Variants in BMPR1B observed in about 807,000 individuals in gnomAD.
BMPR1B encodes bone morphogenetic protein receptor type-1B.
A neutral mutation model predicts 59.1 loss-of-function variants in BMPR1B; 12 were observed. The observed-to-expected ratio is 0.20, with a 90% confidence interval of 0.13 to 0.33. The LOEUF is 0.33. Among genes scored for constraint, BMPR1B ranks in the 10% least tolerant of loss-of-function variants. The pLI is 1.00. For missense variants in BMPR1B, 550 were observed against 610.9 expected, an observed-to-expected ratio of 0.90 and a Z score of 1.05; for synonymous variants, 237 against 207.3, an observed-to-expected ratio of 1.14 and a Z score of -1.23.
At chr4:95,104,331 TC>T (rs1246754189) in intron 3 of BMPR1B, 76 bp from the exon 4 acceptor site, 2 of 1,464,954 alleles carry the variant, frequency 1.4e-6, no homozygotes, top group African/African-American at 2.8e-5. Context: ...TAAAATGTAA[TC>T]TCATGTTTTC....
chr4:94,928,276 C>T (rs1342450111), intron 2 of BMPR1B, among the ~76,000 whole-genome samples: 1 of 151,468 alleles, frequency 6.6e-6, no homozygotes, highest in African/African-American at 2.4e-5. Flanking sequence ...GATACTCCTG[C>T]TTCCACGTCC....
At chr4:95,152,609 A>G (rs1210194565) in intron 11 of BMPR1B, 34 bp from the exon 12 acceptor site, 3 of 1,462,108 alleles carry the variant, frequency 2.1e-6, no homozygotes, top group South Asian at 2.7e-5. Flanking sequence ...AGAAAATAAT[A>G]ATAATAATAA....
intron 2 of BMPR1B, among the ~76,000 whole-genome samples, chr4:94,973,967 T>C (rs1730912249): frequency 1.3e-5 from 2 of 152,214 alleles, no homozygotes. Flanking sequence ...TTTTAAAGAC[T>C]CCAGTCATAT....
intron 4 of BMPR1B, among the ~76,000 whole-genome samples, chr4:95,113,351 T>C (rs1731769113): frequency 1.3e-5 from 2 of 152,164 alleles, no homozygotes; most frequent in Non-Finnish European, 2.9e-5. Context: ...CTGGCTCTTA[T>C]AAAGTGAAGT....
chr4:95,074,643 G>A (rs940166551), intron 3 of BMPR1B, among the ~76,000 whole-genome samples: 1 of 152,058 alleles, frequency 6.6e-6, no homozygotes, highest in South Asian at 2.1e-4. Flanking sequence ...ATATAAGGAT[G>A]CCTAAATATA....
chr4:94,894,922 T>C (rs1212286555), intron 2 of BMPR1B, among the ~76,000 whole-genome samples: 2 of 152,008 alleles, frequency 1.3e-5, no homozygotes, highest in African/African-American at 4.8e-5. Flanking sequence ...AAAGTTGTTT[T>C]AAATTCATGA....
At chr4:94,883,278 G>A (rs1311661867) in intron 2 of BMPR1B, among the ~76,000 whole-genome samples, 2 of 152,136 alleles carry the variant, frequency 1.3e-5, no homozygotes, top group African/African-American at 2.4e-5. Context: ...TTCTGTGTGT[G>A]TACATTTTCT....
chr4:94,918,552 T>G (rs1728572946), intron 2 of BMPR1B, among the ~76,000 whole-genome samples: 1 of 152,018 alleles, frequency 6.6e-6, no homozygotes, highest in Non-Finnish European at 1.5e-5. Context: ...GGCACACGCC[T>G]GTAGTCCTAG....
chr4:94,799,256 A>G (rs1343722357), intron 1 of BMPR1B, among the ~76,000 whole-genome samples: 1 of 148,900 alleles, frequency 6.7e-6, no homozygotes, highest in Non-Finnish European at 1.5e-5. Context: ...CAGAGACTTC[A>G]TTGGATAGTA....
At chr4:94,935,118 C>T (rs1729242690) in intron 2 of BMPR1B, among the ~76,000 whole-genome samples, 1 of 152,010 alleles carries the variant, frequency 6.6e-6, no homozygotes, top group African/African-American at 2.4e-5. Flanking sequence ...AATTTTGTTT[C>T]CTCTTGTATT....
chr4:94,922,653 A>G (rs187623473), intron 2 of BMPR1B, among the ~76,000 whole-genome samples: 1 of 152,212 alleles, frequency 6.6e-6, no homozygotes, highest in African/African-American at 2.4e-5. Flanking sequence ...TATTACAATT[A>G]TCTTATATAA....
intron 2 of BMPR1B, among the ~76,000 whole-genome samples, chr4:94,985,932 G>T (rs1231061160): frequency 6.6e-6 from 1 of 152,180 alleles, no homozygotes; most frequent in Non-Finnish European, 1.5e-5. Context: ...GAGTTGGACC[G>T]TAAGAGAGGT....
chr4:95,090,994 A>C (rs767813217), intron 3 of BMPR1B, among the ~76,000 whole-genome samples: 1 of 152,096 alleles, frequency 6.6e-6, no homozygotes, highest in Non-Finnish European at 1.5e-5. Flanking sequence ...CTCTTTAATG[A>C]AAGATTTCTA....
intron 2 of BMPR1B, among the ~76,000 whole-genome samples, chr4:94,972,062 A>G (rs1158921836): frequency 2.0e-5 from 3 of 151,674 alleles, no homozygotes; most frequent in Admixed American, 6.6e-5. Context: ...TTCAAACTTA[A>G]TAGTATCATT....
chr4:95,029,577 G>A (rs535999216), intron 3 of BMPR1B, among the ~76,000 whole-genome samples: 4 of 152,158 alleles, frequency 2.6e-5, no homozygotes, highest in East Asian at 1.9e-4. Context: ...ATAAACATAC[G>A]TGTGCATGTG....
At chr4:94,791,456 A>G (rs966479616) in intron 1 of BMPR1B, among the ~76,000 whole-genome samples, 4 of 152,252 alleles carry the variant, frequency 2.6e-5, no homozygotes, top group Non-Finnish European at 5.9e-5. Flanking sequence ...ATTTAAATAC[A>G]TAAGGAAAAG....
intron 2 of BMPR1B, among the ~76,000 whole-genome samples, chr4:94,885,940 A>C (rs1043953493): frequency 6.6e-6 from 1 of 152,164 alleles, no homozygotes; most frequent in Non-Finnish European, 1.5e-5. Context: ...AAGGTTAGTA[A>C]ATGTGGAAAA....
intron 12 of BMPR1B, 120 bp from the exon 13 acceptor site, chr4:95,154,428 G>T: frequency 7.3e-7 from 1 of 1,376,092 alleles, no homozygotes. Context: ...ACTTCTACAT[G>T]GTTTTAAGGG....
At chr4:94,763,969 C>G (rs935477537) in intron 1 of BMPR1B, among the ~76,000 whole-genome samples, 3 of 152,130 alleles carry the variant, frequency 2.0e-5, no homozygotes, top group Non-Finnish European at 4.4e-5. Flanking sequence ...TGGTGCAGTG[C>G]TCAGATGGGC....
Sources: allele counts gnomAD v4.1 joint callset (sites outside exome capture counted in the v4.1 genomes callset), GRCh38; gene constraint gnomAD v4.1.1; transcripts MANE v1.5; gene names NCBI Gene and HGNC (gene_info 2026-07-23, HGNC 2026-07-21).